The following PLXDC2 variants were observed in gnomAD, a reference collection of about 807,000 sequenced individuals.
PLXDC2 encodes the protein plexin domain containing 2.
A neutral mutation model predicts 68.9 loss-of-function variants in PLXDC2; 40 were observed. The ratio of observed to expected loss-of-function variants is 0.58; its 90% confidence interval spans 0.45 to 0.76. The LOEUF (loss-of-function observed/expected upper bound fraction) is 0.76, where lower values mean the gene tolerates loss of function less well. Ranked by LOEUF, PLXDC2 falls within the 30% of genes least tolerant of loss-of-function variation. The pLI is 0.00. For synonymous variants in PLXDC2, 243 were observed against 234.2 expected, an observed-to-expected ratio of 1.04 and a Z score of -0.34; for missense variants, 644 against 661.9, an observed-to-expected ratio of 0.97 and a Z score of 0.30.
At chr10:19,904,286 C>T (rs1344313327) in intron 1 of PLXDC2, among the ~76,000 whole-genome samples, 4 of 152,098 alleles carry the variant, frequency 2.6e-5, no homozygotes, top group African/African-American at 4.8e-5. Context: ...TGGAGCATTA[C>T]GTCCCCCACT....
intron 4 of PLXDC2, among the ~76,000 whole-genome samples, chr10:20,106,396 G>A (rs778546368): frequency 3.9e-5 from 6 of 152,196 alleles, no homozygotes; most frequent in Non-Finnish European, 8.8e-5. Context: ...CGGTTCCTAA[G>A]CAGGGGAATC....
chr10:19,915,716 A>G (rs934208598), intron 1 of PLXDC2, among the ~76,000 whole-genome samples: 1 of 152,004 alleles, frequency 6.6e-6, no homozygotes, highest in Non-Finnish European at 1.5e-5. Flanking sequence ...ACCTTTTGGA[A>G]TCTTCTGCTG....
chr10:20,003,340 G>T (rs1834973699), intron 2 of PLXDC2, among the ~76,000 whole-genome samples: 1 of 152,170 alleles, frequency 6.6e-6, no homozygotes, highest in South Asian at 2.1e-4. Context: ...GAGTGGGAAG[G>T]TTTTTGGTGA....
At chr10:20,110,328 G>T (rs1047514494) in intron 4 of PLXDC2, among the ~76,000 whole-genome samples, 1 of 152,134 alleles carries the variant, frequency 6.6e-6, no homozygotes, top group Non-Finnish European at 1.5e-5. Flanking sequence ...GCTGGGTCAA[G>T]GAGGGCAGTG....
At chr10:20,125,470 C>T (rs981697243) in intron 4 of PLXDC2, among the ~76,000 whole-genome samples, 1 of 152,120 alleles carries the variant, frequency 6.6e-6, no homozygotes, top group Non-Finnish European at 1.5e-5. Context: ...TATACCATCA[C>T]CTTGGCGGAC....
chr10:20,103,431 C>A lies in PLXDC2; in HGVS notation c.541+35192C>A, dbSNP rs150701721. Among the ~76,000 whole-genome samples the A allele has an allele frequency of 2.1e-3, 314 of 152,082 alleles. 4 individuals carry two copies. Among genetic ancestry groups the A allele is most frequent in the South Asian group, 0.015 (70 of 4,816 alleles). Reference sequence around the variant, plus strand: ...TTTGAAAAAGCCCTGGGCACAGACACCCGAGACTTGTGGGTTCAAGGAAGA... The same window carrying A: ...TTTGAAAAAGCCCTGGGCACAGACAACCGAGACTTGTGGGTTCAAGGAAGA... On this transcript the variant is annotated intron_variant, in intron 4 of 13. Coordinates refer to ENST00000377252, the MANE Select transcript of PLXDC2 (RefSeq NM_032812.9).
At chr10:20,173,290 C>T (rs1012196193) in intron 7 of PLXDC2, among the ~76,000 whole-genome samples, 4 of 152,186 alleles carry the variant, frequency 2.6e-5, no homozygotes, top group Admixed American at 6.5e-5. Context: ...GTGAATCATT[C>T]ATTTGACAAT....
intron 4 of PLXDC2, among the ~76,000 whole-genome samples, chr10:20,106,585 G>A (rs1036508712): frequency 2.0e-5 from 3 of 152,150 alleles, no homozygotes; most frequent in Admixed American, 6.5e-5. Context: ...GGAAGAACAG[G>A]AGGGGGGAGC....
chr10:20,026,294 G>A (rs1366839222), intron 2 of PLXDC2, among the ~76,000 whole-genome samples: 1 of 151,388 alleles, frequency 6.6e-6, no homozygotes, highest in East Asian at 1.9e-4. Context: ...TGTTTTTAAT[G>A]TCCTAATAGT....
At chr10:19,931,751 G>A (rs946251303) in intron 1 of PLXDC2, among the ~76,000 whole-genome samples, 10 of 152,096 alleles carry the variant, frequency 6.6e-5, no homozygotes, top group African/African-American at 1.7e-4. Flanking sequence ...GGAGGAAAAG[G>A]CAGATCATCT....
intron 1 of PLXDC2, among the ~76,000 whole-genome samples, chr10:19,927,547 C>T (rs553874598): frequency 2.6e-4 from 39 of 151,366 alleles, no homozygotes; most frequent in African/African-American, 9.0e-4. Context: ...TAAAAAAATA[C>T]AAAAATTAGC....
intron 12 of PLXDC2, among the ~76,000 whole-genome samples, chr10:20,244,399 A>C (rs1835560709): frequency 6.6e-6 from 1 of 152,210 alleles, no homozygotes; most frequent in Non-Finnish European, 1.5e-5. Context: ...ATTACAGTGG[A>C]AAGCATCTCA....
intron 4 of PLXDC2, among the ~76,000 whole-genome samples, chr10:20,074,431 A>G (rs989421921): frequency 2.0e-5 from 3 of 152,134 alleles, no homozygotes; most frequent in Non-Finnish European, 4.4e-5. Context: ...CCTCCCAAAA[A>G]AAAATACCTT....
At chr10:20,192,417 T>C (rs2131840198) in intron 9 of PLXDC2, among the ~76,000 whole-genome samples, 1 of 152,166 alleles carries the variant, frequency 6.6e-6, no homozygotes, top group South Asian at 2.1e-4. Flanking sequence ...TTGAGGTTAT[T>C]GCAAAGTGCA....
intron 2 of PLXDC2, among the ~76,000 whole-genome samples, chr10:20,037,831 C>G (rs1835605219): frequency 6.6e-6 from 1 of 152,088 alleles, no homozygotes; most frequent in African/African-American, 2.4e-5. Flanking sequence ...AAAATGGAAA[C>G]TGTTTTATAA....
At position 20,157,138 on chromosome 10, in the gene PLXDC2, G is replaced by A. The variant is rs139759270; in HGVS notation, c.784-7330G>A. Among the ~76,000 whole-genome samples the A allele has an allele frequency of 9.5e-4, 144 of 152,290 alleles. 2 individuals carry two copies. The East Asian group carries it at 0.022, about 24-fold the overall frequency. On this transcript the variant is annotated intron_variant, in intron 6 of 13. Transcript: ENST00000377252. ...TCACTGCTGATAACACTGAAGCCAG[G>A]TCAGATACTTAAGTAAAACGAAGGA...
intron 1 of PLXDC2, among the ~76,000 whole-genome samples, chr10:19,844,408 G>A (rs982021964): frequency 6.6e-6 from 1 of 152,080 alleles, no homozygotes; most frequent in Non-Finnish European, 1.5e-5. Context: ...GTGCCTGAAT[G>A]GGTAGAAATG....
At chr10:19,883,108 C>T (rs1045662395) in intron 1 of PLXDC2, among the ~76,000 whole-genome samples, 2 of 151,872 alleles carry the variant, frequency 1.3e-5, no homozygotes, top group South Asian at 2.1e-4. Context: ...AGGCGCCCGC[C>T]ACCACGCCCG....
chr10:20,054,376 TA>T (rs1835958445), intron 3 of PLXDC2, among the ~76,000 whole-genome samples: 1 of 151,954 alleles, frequency 6.6e-6, no homozygotes, highest in Admixed American at 6.6e-5. Context: ...CTCAGATCAA[TA>T]AATTTGTAGA....
Sources: allele counts gnomAD v4.1 joint callset (sites outside exome capture counted in the v4.1 genomes callset), GRCh38; gene constraint gnomAD v4.1.1; transcripts MANE v1.5; gene names NCBI Gene and HGNC (gene_info 2026-07-23, HGNC 2026-07-21).